The following ERBB2 variants were observed in gnomAD, a reference collection of about 807,000 sequenced individuals.
The protein encoded by ERBB2 is receptor tyrosine-protein kinase erbB-2.
Under a neutral mutation model 149.0 loss-of-function variants are expected in ERBB2, and 61 were observed. That is an observed-to-expected ratio of 0.41 (90% CI 0.33 to 0.51). The LOEUF (loss-of-function observed/expected upper bound fraction) is 0.51. Among genes scored for constraint, ERBB2 ranks in the 20% least tolerant of loss-of-function variants. The pLI is 0.25. For synonymous variants in ERBB2, 633 were observed against 678.8 expected (o/e 0.93, Z 1.05); for missense variants, 1,205 against 1,655.1 (o/e 0.73, Z 4.72).
Position 39,726,950 on chromosome 17 carries a change from G to A in ERBB2, c.3106G>A (p.Ala1036Thr), listed in dbSNP as rs2143182847. The A allele has an allele frequency of 6.2e-7, 1 of 1,612,644 alleles. No homozygotes were observed. Among genetic ancestry groups the A allele is most frequent in the Non-Finnish European group, 8.5e-7 (1 of 1,179,572 alleles). ...PQQGFFCPDPAPGAGGMVHHR... is the reference protein window; with the variant it reads ...PQQGFFCPDPTPGAGGMVHHR... ...GCAGGGCTTCTTCTGTCCAGACCCT[G>A]CCCCGGGCGCTGGGGGCATGGTCCA... Residue 1036 changes from alanine (A) to threonine (T), a missense_variant, in exon 25 of 27, where the codon GCC becomes ACC. This residue lies in a region of ERBB2 where 312 missense variants were observed against 343.8 expected (regional missense o/e 0.91). Coordinates refer to ENST00000269571, the MANE Select transcript of ERBB2 (RefSeq NM_004448.4). The surrounding 1 kb of genome is among the most constrained non-coding windows in gnomAD (Gnocchi z 5.1).
Position 39,723,202 on chromosome 17 carries a change from G to A in ERBB2, c.1947-117G>A. On this transcript the variant is annotated intron_variant, in intron 16 of 26. Coordinates refer to ENST00000269571, the MANE Select transcript of ERBB2 (RefSeq NM_004448.4). The surrounding 1 kb of genome is among the most constrained non-coding windows in gnomAD (Gnocchi z 6.2). ...AGTAGGAGAGGGTCCAAGCCTGTGG[G>A]TCACCCTTCCGACTTCCCTTTCCGA... is the stretch of plus-strand genomic sequence containing the variant. The A allele has an allele frequency of 1.8e-6, 2 of 1,087,208 alleles. No homozygotes were observed. The highest frequency in any genetic ancestry group is 2.0e-5 in the Admixed American group (1 of 49,052). The allele number at this position is 1,087,208 out of a possible 1,614,324, so 67.3% of individuals were successfully genotyped here. A position where few individuals can be genotyped will look rare whatever the true frequency, so the allele number is the denominator to read the frequency against.
rs559110378 is a variant in ERBB2 at position 39,718,351 on chromosome 17, A to G, written c.1898+871A>G. On this transcript the variant is annotated intron_variant, in intron 15 of 26. Transcript: ENST00000269571. Reference sequence around the variant, plus strand: ...ACAAAGCCAACGTGCCCTTTCACTCAACTCCCTGTCCACCCAGTCTCTCCT... The same window carrying G: ...ACAAAGCCAACGTGCCCTTTCACTCGACTCCCTGTCCACCCAGTCTCTCCT... 1.4e-3 allele frequency among the ~76,000 whole-genome samples: 207 copies of G among 152,318 alleles called. 2 individuals carry two copies. Among genetic ancestry groups the G allele is most frequent in the African/African-American group, 4.6e-3 (190 of 41,560 alleles).
At chr17:39,692,607 G>T (rs909188996), upstream of ERBB2, among the ~76,000 whole-genome samples, 152 of 152,026 alleles carry the variant, frequency 1.0e-3, no homozygotes, top group African/African-American at 3.5e-3. Context: ...GTTTCTCCAT[G>T]TTGGTCAGGC....
At chr17:39,711,284 C>A (rs147376630) in intron 7 of ERBB2, among the ~76,000 whole-genome samples, 3 of 152,126 alleles carry the variant, frequency 2.0e-5, no homozygotes, top group African/African-American at 7.2e-5. Context: ...CTCTGCCTTC[C>A]GCATTCAAGC....
chr17:39,725,275 G>A lies in ERBB2; in HGVS notation c.2650-52G>A, dbSNP rs1382518364. On this transcript the variant is annotated intron_variant, in intron 21 of 26. Coordinates refer to ENST00000269571, the MANE Select transcript of ERBB2 (RefSeq NM_004448.4). The surrounding 1 kb of genome is among the most constrained non-coding windows in gnomAD (Gnocchi z 4.6). ...TCTAGCCCATGGGAGAACTCTGAGT[G>A]GCCACCTCCCCACAACACACAGTTG... 6.2e-7 allele frequency: 1 copy of A among 1,612,836 alleles called. No individual in the cohort carries two copies. Among genetic ancestry groups the A allele is most frequent in the Non-Finnish European group, 8.5e-7 (1 of 1,178,952 alleles).
At chr17:39,696,406 C>G (rs1382829488), upstream of ERBB2, 1 of 152,264 alleles carries the variant, frequency 6.6e-6, no homozygotes, top group Non-Finnish European at 1.5e-5. Context: ...GGGTTTCTTC[C>G]TGGGATTTGG....
chr17:39,709,769 T>C (rs1370144027), intron 4 of ERBB2, 44 bp from the exon 5 acceptor site: 4 of 1,556,792 alleles, frequency 2.6e-6, no homozygotes, highest in Non-Finnish European at 2.7e-6. Context: ...GTCCTCTCGC[T>C]GTTAGACATC....
upstream of ERBB2, among the ~76,000 whole-genome samples, chr17:39,698,058 G>T (rs1713562459): frequency 6.6e-6 from 1 of 152,108 alleles, no homozygotes; most frequent in African/African-American, 2.4e-5. Flanking sequence ...ACAAAACCTA[G>T]ATCTGCCCCA....
At chr17:39,721,409 G>A (rs1439769379) in intron 16 of ERBB2, among the ~76,000 whole-genome samples, 2 of 152,076 alleles carry the variant, frequency 1.3e-5, no homozygotes, top group Non-Finnish European at 2.9e-5. Context: ...CAGTAGCTGG[G>A]ATTACAGGCA....
At chr17:39,698,195 A>G (rs2057912536), upstream of ERBB2, among the ~76,000 whole-genome samples, 1 of 152,132 alleles carries the variant, frequency 6.6e-6, no homozygotes, top group Non-Finnish European at 1.5e-5. Flanking sequence ...CAGATGAGCC[A>G]ACTGAGACCA....
At position 39,726,458 on chromosome 17, in the gene ERBB2, T is replaced by C. The variant is rs1159816759; in HGVS notation, c.2873-104T>C. ...TCTCTACCACCTGAGGGCTTTGGGC[T>C]GTCCCTTGGGACTGTCTAGACCAGA... is the stretch of plus-strand genomic sequence containing the variant. On this transcript the variant is annotated intron_variant, in intron 23 of 26. Coordinates refer to ENST00000269571, the MANE Select transcript of ERBB2 (RefSeq NM_004448.4). The surrounding 1 kb of genome is among the most constrained non-coding windows in gnomAD (Gnocchi z 5.1). 1.1e-6 allele frequency: 1 copy of C among 900,234 alleles called. No homozygotes were observed. Among genetic ancestry groups the C allele is most frequent in the Non-Finnish European group, 1.8e-6 (1 of 551,442 alleles). The allele number at this position is 900,234 out of a possible 1,614,324, so 55.8% of individuals were successfully genotyped here. A position where few individuals can be genotyped will look rare whatever the true frequency, so the allele number is the denominator to read the frequency against.
intron 6 of ERBB2, 52 bp from the exon 7 acceptor site, chr17:39,710,287 CT>C: frequency 1.2e-6 from 2 of 1,613,030 alleles, no homozygotes; most frequent in Non-Finnish European, 1.7e-6. Flanking sequence ...CCTATTGCCC[CT>C]GGCACACCAG....
Position 39,728,117 on chromosome 17 carries a change from C to A in ERBB2, c.*73C>A. 8.7e-7 allele frequency: 1 copy of A among 1,155,634 alleles called. No homozygotes were observed. The highest frequency in any genetic ancestry group is 1.2e-6 in the Non-Finnish European group (1 of 827,184). 71.6% of individuals were successfully genotyped at this position (1,155,634 alleles called of 1,614,324 possible). On this transcript the variant is annotated 3_prime_UTR_variant, in exon 27 of 27. Coordinates refer to ENST00000269571, the MANE Select transcript of ERBB2 (RefSeq NM_004448.4). ...GGGAAGGCCTGACTTCTGCTGGCAT[C>A]AAGAGGTGGGAGGGCCCTCCGACCA...
At chr17:39,705,028 T>C (rs2058342897) in intron 1 of ERBB2, among the ~76,000 whole-genome samples, 1 of 152,162 alleles carries the variant, frequency 6.6e-6, no homozygotes, top group African/African-American at 2.4e-5. Flanking sequence ...CAGTCCTGCC[T>C]GTTGCTCACA....
rs1225599701 is a variant in ERBB2 at position 39,700,284 on chromosome 17, T to C, written c.46T>C (p.Leu16=). The C allele has an allele frequency of 7.0e-7, 1 of 1,431,264 alleles. No homozygotes were observed. The highest frequency in any genetic ancestry group is 1.5e-5 in the African/African-American group (1 of 67,626). The allele number at this position is 1,431,264 out of a possible 1,614,324, so 88.7% of individuals were successfully genotyped here. A position where few individuals can be genotyped will look rare whatever the true frequency, so the allele number is the denominator to read the frequency against. ...CCGCTGGGGGCTCCTCCTCGCCCTC[T>C]TGCCCCCCGGAGCCGCGAGCACCCA... The part of the protein sequence containing the change: ...LCRWGLLLAL[L]PPGAASTQVC... The change falls in exon 1 of 27, where the codon TTG becomes CTG. Residue 16 remains leucine, a synonymous_variant. Coordinates refer to ENST00000269571, the MANE Select transcript of ERBB2 (RefSeq NM_004448.4).
At chr17:39,710,861 G>A (rs756228975) in intron 7 of ERBB2, among the ~76,000 whole-genome samples, 1 of 152,234 alleles carries the variant, frequency 6.6e-6, no homozygotes, top group Non-Finnish European at 1.5e-5. Context: ...TATGTACTAA[G>A]TGCTCCTAAA....
intron 2 of ERBB2, chr17:39,708,081 G>A: frequency 2.2e-6 from 1 of 462,354 alleles, no homozygotes; most frequent in Non-Finnish European, 3.8e-6. Flanking sequence ...AGAGGGCAGG[G>A]CACCTGTTCG....
intron 2 of ERBB2, among the ~76,000 whole-genome samples, chr17:39,689,621 T>G (rs942800793): frequency 5.9e-5 from 9 of 152,160 alleles, no homozygotes; most frequent in Admixed American, 1.3e-4. Context: ...AATTCCTAAG[T>G]AAGGCTGGGG....
rs2059882869 is a variant in ERBB2 at position 39,728,117 on chromosome 17, C to T, written c.*73C>T. On this transcript the variant is annotated 3_prime_UTR_variant, in exon 27 of 27. Coordinates refer to ENST00000269571, the MANE Select transcript of ERBB2 (RefSeq NM_004448.4). ...GGGAAGGCCTGACTTCTGCTGGCAT[C>T]AAGAGGTGGGAGGGCCCTCCGACCA... The T allele has an allele frequency of 8.7e-7, 1 of 1,155,636 alleles. No homozygotes were observed. Among genetic ancestry groups the T allele is most frequent in the South Asian group, 1.5e-5 (1 of 65,526 alleles). The allele number at this position is 1,155,636 out of a possible 1,614,324, so 71.6% of individuals were successfully genotyped here.
Sources: allele counts gnomAD v4.1 joint callset (sites outside exome capture counted in the v4.1 genomes callset), GRCh38; gene constraint gnomAD v4.1.1; regional missense constraint gnomAD v4.1.1; non-coding constraint Gnocchi (gnomAD v3.1); transcripts MANE v1.5; gene names NCBI Gene and HGNC (gene_info 2026-07-23, HGNC 2026-07-21).